Variants in SYT4 observed in about 807,000 individuals in gnomAD.
SYT4 encodes synaptotagmin-4.
A neutral mutation model predicts 32.9 loss-of-function variants in SYT4; 7 were observed. The ratio of observed to expected loss-of-function variants is 0.21; its 90% confidence interval spans 0.12 to 0.40. The LOEUF is 0.40. Ranked by LOEUF, SYT4 falls within the 10% of genes least tolerant of loss-of-function variation. The pLI is 1.00. For synonymous variants in SYT4, 205 were observed against 186.2 expected, an observed-to-expected ratio of 1.10 and a Z score of -0.82; for missense variants, 480 against 488.0, an observed-to-expected ratio of 0.98 and a Z score of 0.16.
chr18:43,272,487 T>C (rs1443508681), intron 2 of SYT4, among the ~76,000 whole-genome samples: 1 of 152,160 alleles, frequency 6.6e-6, no homozygotes, highest in Non-Finnish European at 1.5e-5. Context: ...CGTCCTTCTT[T>C]GCGTGCTACT....
At chr18:43,274,482 G>C (rs1908732503) in intron 1 of SYT4, 88 bp from the exon 2 acceptor site, 3 of 1,051,680 alleles carry the variant, frequency 2.9e-6, no homozygotes, top group Non-Finnish European at 4.0e-6. Context: ...GCTAGCAATT[G>C]CTATAGGTTG....
rs1226132769 is a variant in SYT4 at position 43,277,432 on chromosome 18, G to C, written c.-151C>G. 3.7e-6 allele frequency: 3 copies of C among 809,332 alleles called. No individual in the cohort carries two copies. The highest frequency in any genetic ancestry group is 6.0e-6 in the Non-Finnish European group (3 of 498,582). 50.1% of individuals were successfully genotyped at this position (809,332 alleles called of 1,614,324 possible). A position where few individuals can be genotyped will look rare whatever the true frequency, so the allele number is the denominator to read the frequency against. On this transcript the variant is annotated 5_prime_UTR_variant, in exon 1 of 4. Coordinates refer to ENST00000255224, the MANE Select transcript of SYT4 (RefSeq NM_020783.4). ...CCTGGAACAGGGAGGAGGCAAAGAG[G>C]GAGGTCCACTCGCCCTCGCACAGTG...
At position 43,270,326 on chromosome 18, in the gene SYT4, C is replaced by T. The variant is rs1304992513; in HGVS notation, c.*15G>A. On this transcript the variant is annotated 3_prime_UTR_variant, in exon 4 of 4. Coordinates refer to ENST00000255224, the MANE Select transcript of SYT4 (RefSeq NM_020783.4). Reference sequence around the variant, plus strand: ...CCTAGTAAAAACCTTTAAGTTCCAACTCACGGCTAGGATGCTAACCATCAC... The same window carrying T: ...CCTAGTAAAAACCTTTAAGTTCCAATTCACGGCTAGGATGCTAACCATCAC... The T allele has an allele frequency of 1.2e-6, 2 of 1,606,260 alleles. No individual in the cohort carries two copies. The highest frequency in any genetic ancestry group is 1.7e-6 in the Non-Finnish European group (2 of 1,174,486).
At chr18:43,272,855 T>C (rs995433012) in intron 2 of SYT4, among the ~76,000 whole-genome samples, 1 of 152,178 alleles carries the variant, frequency 6.6e-6, no homozygotes, top group African/African-American at 2.4e-5. Context: ...AACACTATGT[T>C]GTTTAAAAAA....
At chr18:43,271,995 C>T in intron 2 of SYT4, 163 bp from the exon 3 acceptor site, 3 of 679,830 alleles carry the variant, frequency 4.4e-6, no homozygotes, top group Non-Finnish European at 2.1e-6. Flanking sequence ...TGAGCAGTAC[C>T]ATCGCTGCTT....
In SYT4 at chr18:43,277,311, G is replaced by T; in HGVS notation, c.-30C>A. ...TACTGCGTGTTCTGTCCGAGGTGCT[G>T]AAGGGAAAACTGCCTGGCTGGATTC... On this transcript the variant is annotated 5_prime_UTR_variant, in exon 1 of 4. Coordinates refer to ENST00000255224, the MANE Select transcript of SYT4 (RefSeq NM_020783.4). The T allele has an allele frequency of 6.2e-7, 1 of 1,613,948 alleles. No individual in the cohort carries two copies. The highest frequency in any genetic ancestry group is 2.2e-5 in the East Asian group (1 of 44,832).
Position 43,274,053 on chromosome 18 carries a change from A to T in SYT4, c.376T>A (p.Phe126Ile), listed in dbSNP as rs1258903246. The T allele has an allele frequency of 6.2e-7, 1 of 1,614,076 alleles. No homozygotes were observed. The highest frequency in any genetic ancestry group is 1.1e-5 in the South Asian group (1 of 91,070). The change falls in exon 2 of 4, where the codon TTT becomes ATT. Residue 126 changes from phenylalanine to isoleucine, a missense_variant. Physicochemically the swap from Phe to Ile is conservative, Grantham distance 21 (BLOSUM62 0). Coordinates refer to ENST00000255224, the MANE Select transcript of SYT4 (RefSeq NM_020783.4). ...ACTGACTCTTTTTCCCCTTCTAAAA[A>T]GAGCTTCGGGGTTGCATTCTCCAGA... ...SDLENATPKL[F>I]LEGEKESVSP...
intron 1 of SYT4, 103 bp from the exon 2 acceptor site, chr18:43,274,497 G>T: frequency 3.3e-6 from 3 of 911,294 alleles, no homozygotes; most frequent in Non-Finnish European, 4.8e-6. Context: ...AGGTTGGATA[G>T]ATTGAATTAC....
chr18:43,272,356 G>A (rs932405229), intron 2 of SYT4, among the ~76,000 whole-genome samples: 10 of 152,036 alleles, frequency 6.6e-5, no homozygotes, highest in African/African-American at 1.9e-4. Context: ...CTACATTCCT[G>A]GCCCAGAGGG....
At chr18:43,275,966 G>C (rs186797426) in intron 1 of SYT4, among the ~76,000 whole-genome samples, 5 of 152,266 alleles carry the variant, frequency 3.3e-5, no homozygotes, top group African/African-American at 1.2e-4. Flanking sequence ...CATGAACTGA[G>C]AGAGTTCTTT....
chr18:43,275,038 T>C (rs532744807), intron 1 of SYT4, among the ~76,000 whole-genome samples: 1 of 152,248 alleles, frequency 6.6e-6, no homozygotes, highest in African/African-American at 2.4e-5. Flanking sequence ...AACACTATCA[T>C]CCCTTTGTAT....
Position 43,274,179 on chromosome 18 carries a change from T to G in SYT4, c.250A>C (p.Lys84Gln). The change falls in exon 2 of 4, where the codon AAG becomes CAG. Residue 84 changes from lysine (K) to glutamine (Q), a missense_variant. By Grantham distance (53) the Lys-to-Gln change is moderately conservative. Transcript: ENST00000255224. ...AATGAATTCTTTGGCACAGCTGGCT[T>G]ATTCTTTACTTCATTTTTATCATCT... is the stretch of plus-strand genomic sequence containing the variant. ...GADDKNEVKN[K>Q]PAVPKNSLHL... The G allele has an allele frequency of 1.2e-6, 2 of 1,614,076 alleles. No homozygotes were observed. Among genetic ancestry groups the G allele is most frequent in the Non-Finnish European group, 1.7e-6 (2 of 1,179,956 alleles).
intron 1 of SYT4, among the ~76,000 whole-genome samples, chr18:43,275,834 G>C (rs1269970260): frequency 1.3e-5 from 2 of 151,990 alleles, no homozygotes; most frequent in African/African-American, 2.4e-5. Context: ...AAGAGCTAAA[G>C]ATAATCAGCT....
At chr18:43,271,571 T>G in intron 3 of SYT4, 141 bp downstream of exon 3, 1 of 1,116,964 alleles carries the variant, frequency 9.0e-7, no homozygotes, top group Non-Finnish European at 1.2e-6. Context: ...GTAAAGCTAG[T>G]CATAAAACTA....
chr18:43,269,888 A>AT lies in SYT4; in HGVS notation c.*452dup. The AT allele has an allele frequency of 6.1e-6, 1 of 164,414 alleles. No homozygotes were observed. The highest frequency in any genetic ancestry group is 1.3e-5 in the Non-Finnish European group (1 of 74,832). 10.2% of individuals were successfully genotyped at this position (164,414 alleles called of 1,614,324 possible). A position where few individuals can be genotyped will look rare whatever the true frequency, so the allele number is the denominator to read the frequency against. On this transcript the variant is annotated 3_prime_UTR_variant, in exon 4 of 4. Transcript: ENST00000255224. ...AATTAATAAATACAAACTGGAGGACATTTTTTTAGTATCTTTGGATTTAAA... is the reference window on the plus strand; with the variant it reads ...AATTAATAAATACAAACTGGAGGACATTTTTTTTAGTATCTTTGGATTTAAA...
intron 1 of SYT4, 48 bp from the exon 2 acceptor site, chr18:43,274,442 A>C: frequency 6.9e-7 from 1 of 1,455,144 alleles, no homozygotes; most frequent in Non-Finnish European, 9.2e-7. Flanking sequence ...GCAGAGCTGG[A>C]GATATGAGCC....
chr18:43,277,202 A>T, intron 1 of SYT4, 46 bp downstream of exon 1: 1 of 1,612,218 alleles, frequency 6.2e-7, no homozygotes, highest in Non-Finnish European at 8.5e-7. Context: ...TCCACCCCAG[A>T]GTATTCAAGG....
At position 43,270,550 on chromosome 18, in the gene SYT4, G is replaced by A; in HGVS notation, c.1069C>T (p.Leu357=). The part of the protein sequence containing the change: ...KCTPNAVFNE[L]FVFDIPCEGL... ...TCACAAGGAATATCAAAGACAAACA[G>A]CTCATTGAACACTGCATTGGGGGTG... is the stretch of plus-strand genomic sequence containing the variant. Residue 357 remains leucine (L), a synonymous_variant, in exon 4 of 4, where the codon CTG becomes TTG. Transcript: ENST00000255224. 1 of 1,613,982 alleles carries A rather than the reference G, an allele frequency of 6.2e-7. No homozygotes were observed. Among genetic ancestry groups the A allele is most frequent in the Non-Finnish European group, 8.5e-7 (1 of 1,179,962 alleles).
Position 43,277,384 on chromosome 18 carries a change from G to A in SYT4, c.-103C>T, listed in dbSNP as rs1908830871. ...GGCTTTCGGAGCGCTGAAAACAACAGCGCAGAGCCCAGGGCACCAGCTCCT... is the reference window on the plus strand; with the variant it reads ...GGCTTTCGGAGCGCTGAAAACAACAACGCAGAGCCCAGGGCACCAGCTCCT... On this transcript the variant is annotated 5_prime_UTR_variant, in exon 1 of 4. Coordinates refer to ENST00000255224, the MANE Select transcript of SYT4 (RefSeq NM_020783.4). The A allele has an allele frequency of 3.5e-5, 49 of 1,409,174 alleles. 2 individuals carry two copies. The South Asian group carries it at 5.1e-4, about 15-fold the overall frequency. The allele number at this position is 1,409,174 out of a possible 1,614,324, so 87.3% of individuals were successfully genotyped here. A position where few individuals can be genotyped will look rare whatever the true frequency, so the allele number is the denominator to read the frequency against.
Sources: gnomAD v4.1 joint callset for allele counts (sites outside exome capture counted in the v4.1 genomes callset) on GRCh38, gnomAD v4.1.1 for gene constraint, MANE v1.5 for transcripts, NCBI Gene and HGNC (gene_info 2026-07-23, HGNC 2026-07-21) for gene names.